The following ZNF786 variants were observed in gnomAD, a reference collection of about 807,000 sequenced individuals.
The protein encoded by ZNF786 is zinc finger protein 786.
A neutral mutation model predicts 63.1 loss-of-function variants in ZNF786; 56 were observed. The observed-to-expected ratio is 0.89, with a 90% CI of 0.72 to 1.11. The LOEUF is 1.11. Ranked by LOEUF, ZNF786 falls within the 50% of genes least tolerant of loss-of-function variation. The pLI is 0.00. For synonymous variants in ZNF786, 485 were observed against 406.9 expected (o/e 1.19, Z -2.31); for missense variants, 1,213 against 1,041.8 (o/e 1.16, Z -2.26).
chr7:149,072,173 T>C lies in ZNF786; in HGVS notation c.599A>G (p.Asn200Ser), dbSNP rs552244884. 1.2e-5 allele frequency: 20 copies of C among 1,613,316 alleles called. 1 individual carries two copies. The South Asian group carries it at 1.5e-4, about 12-fold the overall frequency. The change falls in exon 4 of 4, where the codon AAC becomes AGC. Residue 200 changes from asparagine (N) to serine (S), a missense_variant. Physicochemically the swap from Asn to Ser is conservative, Grantham distance 46. Coordinates refer to ENST00000491431, the MANE Select transcript of ZNF786 (RefSeq NM_152411.4). ...GCCTCTCTGGTGCATTACTAAATGG[T>C]TGTTCTCCCAACAGCTTTCCCCGCA... ...PVCGESCWEN[N>S]HLVMHQRGHS...
intron 2 of ZNF786, among the ~76,000 whole-genome samples, chr7:149,077,122 A>G (rs1414036622): frequency 6.6e-6 from 1 of 152,248 alleles, no homozygotes; most frequent in Non-Finnish European, 1.5e-5. Context: ...AAGTCTTGCT[A>G]TCTGATAAGA....
At chr7:149,072,973 C>A (rs1162297320) in intron 3 of ZNF786, among the ~76,000 whole-genome samples, 3 of 152,170 alleles carry the variant, frequency 2.0e-5, no homozygotes, top group African/African-American at 7.2e-5. Context: ...TTCTGATGTA[C>A]AGACACACCT....
Position 149,075,655 on chromosome 7 carries a change from G to GTTTTTTTT in ZNF786, c.146-1125_146-1118dup, listed in dbSNP as rs1165713050. ...ATCCTACTGTGCTGACACACTTCAG[G>GTTTTTTTT]TTTTTTTTTTTTTTTTTTTTTTTTT... On this transcript the variant is annotated intron_variant, in intron 2 of 3. Coordinates refer to ENST00000491431, the MANE Select transcript of ZNF786 (RefSeq NM_152411.4). 1.8e-3 allele frequency among the ~76,000 whole-genome samples: 125 copies of GTTTTTTTT among 69,464 alleles called. 26 individuals are homozygous for GTTTTTTTT. Among genetic ancestry groups the GTTTTTTTT allele is most frequent in the African/African-American group, 3.4e-3 (57 of 16,882 alleles). 45.6% of individuals were successfully genotyped at this position (69,464 alleles called of 152,430 possible). A position where few individuals can be genotyped will look rare whatever the true frequency, so the allele number is the denominator to read the frequency against.
In ZNF786 at chr7:149,074,554, A is replaced by T. The variant is rs1825508572; in HGVS notation, c.146-16T>A. 2.5e-6 allele frequency: 4 copies of T among 1,608,454 alleles called. No homozygotes were observed. The East Asian group carries it at 8.9e-5, about 36-fold the overall frequency. On this transcript the variant is annotated splice_polypyrimidine_tract_variant and intron_variant, in intron 2 of 3. Coordinates refer to ENST00000491431, the MANE Select transcript of ZNF786 (RefSeq NM_152411.4). ...AGTCCATCATCTGCACAGAGAAGTC[A>T]GACAGGGTAGTTTGGCTTCCTGAAT...
chr7:149,077,919 AT>A (rs1239500428), intron 2 of ZNF786, among the ~76,000 whole-genome samples: 4 of 151,196 alleles, frequency 2.6e-5, no homozygotes, highest in African/African-American at 9.7e-5. Context: ...TTGGAGTGCA[AT>A]GGCGTGATCT....
chr7:149,088,921 T>G (rs1170574076), intron 1 of ZNF786, among the ~76,000 whole-genome samples: 1 of 151,948 alleles, frequency 6.6e-6, no homozygotes. Context: ...CTTGTATTCT[T>G]CCCTCAACAT....
At chr7:149,080,229 A>G (rs1825627274) in intron 2 of ZNF786, among the ~76,000 whole-genome samples, 1 of 152,044 alleles carries the variant, frequency 6.6e-6, no homozygotes, top group South Asian at 2.1e-4. Flanking sequence ...CCACTGTAAA[A>G]GCTGTGAGGT....
chr7:149,072,520 T>C, intron 3 of ZNF786, 47 bp from the exon 4 acceptor site: 2 of 1,490,090 alleles, frequency 1.3e-6, no homozygotes, highest in Admixed American at 2.3e-5. Flanking sequence ...TCTGCAGCAC[T>C]ACTAGCGATT....
chr7:149,090,668 C>T lies in ZNF786; in HGVS notation c.-28G>A, dbSNP rs1200965015. 2.5e-6 allele frequency: 4 copies of T among 1,578,410 alleles called. No individual in the cohort carries two copies. Among genetic ancestry groups the T allele is most frequent in the Non-Finnish European group, 3.4e-6 (4 of 1,161,016 alleles). ...TCCCCGCGGTCCCGCCCGGCCCTGG[C>T]AAACCCGACCGTCTCCGGCGGCTCC... On this transcript the variant is annotated 5_prime_UTR_variant, in exon 1 of 4. Coordinates refer to ENST00000491431, the MANE Select transcript of ZNF786 (RefSeq NM_152411.4).
rs749344132 is a variant in ZNF786, at chr7:149,070,391, C to A, written c.*32G>T. 6.2e-7 allele frequency: 1 copy of A among 1,600,436 alleles called. No individual in the cohort carries two copies. The highest frequency in any genetic ancestry group is 1.3e-5 in the African/African-American group (1 of 74,700). Reference sequence around the variant, plus strand: ...CTGTGGATTCCTGGGCAATACCAATCCTGCTCAACGCTTTGGATGTCCCAC... The same window carrying A: ...CTGTGGATTCCTGGGCAATACCAATACTGCTCAACGCTTTGGATGTCCCAC... On this transcript the variant is annotated 3_prime_UTR_variant, in exon 4 of 4. Transcript: ENST00000491431.
chr7:149,071,821 C>G lies in ZNF786; in HGVS notation c.951G>C (p.Gln317His), dbSNP rs971271702. The change falls in exon 4 of 4, where the codon CAG (glutamine) becomes CAC (histidine). Residue 317 changes from glutamine to histidine, a missense_variant. Gln to His is a conservative substitution (Grantham distance 24). Coordinates refer to ENST00000491431, the MANE Select transcript of ZNF786 (RefSeq NM_152411.4). Reference protein sequence around the residue: ...PVDSTQARRCQHSREGPASWR... With the variant: ...PVDSTQARRCHHSREGPASWR... ...AAGAGGCCGGCCCCTCCCGGCTGTG[C>G]TGGCACCGGCGAGCCTGCGTGCTGT... 6.3e-7 allele frequency: 1 copy of G among 1,589,506 alleles called. No homozygotes were observed. Among genetic ancestry groups the G allele is most frequent in the Non-Finnish European group, 8.5e-7 (1 of 1,172,920 alleles).
At chr7:149,073,618 ACTGT>A (rs2129514265) in intron 3 of ZNF786, among the ~76,000 whole-genome samples, 1 of 150,730 alleles carries the variant, frequency 6.6e-6, no homozygotes, top group South Asian at 2.1e-4. Flanking sequence ...TACTATATAA[ACTGT>A]CTCTCAATAT....
Position 149,071,224 on chromosome 7 carries a change from TCTGCCACACTCG to T in ZNF786, c.1536_1547del (p.Ser512_Gly515del). ...GGAGCTTGCACTGGTGGGTGAAGCC[TCTGCCACACTCG>T]CTACAGGAGAACGGCCTCTCCCCAC... On this transcript the variant is annotated inframe_deletion, in exon 4 of 4. Coordinates refer to ENST00000491431, the MANE Select transcript of ZNF786 (RefSeq NM_152411.4). The T allele has an allele frequency of 2.5e-6, 4 of 1,610,142 alleles. No homozygotes were observed. The highest frequency in any genetic ancestry group is 2.5e-6 in the Non-Finnish European group (3 of 1,177,758).
At position 149,074,368 on chromosome 7, in the gene ZNF786, T is replaced by A. The variant is rs1215339460; in HGVS notation, c.298+18A>T. 6.2e-7 allele frequency: 1 copy of A among 1,612,450 alleles called. No individual in the cohort carries two copies. The highest frequency in any genetic ancestry group is 8.5e-7 in the Non-Finnish European group (1 of 1,179,122). On this transcript the variant is annotated intron_variant, in intron 3 of 3. Coordinates refer to ENST00000491431, the MANE Select transcript of ZNF786 (RefSeq NM_152411.4). Reference sequence around the variant, plus strand: ...ACATGATGTCTCAAGGTCGGGGCCCTGATTTCTTAATACTCACCCCAAAAC... The same window carrying A: ...ACATGATGTCTCAAGGTCGGGGCCCAGATTTCTTAATACTCACCCCAAAAC...
At chr7:149,084,294 AG>A (rs1196739056) in intron 1 of ZNF786, among the ~76,000 whole-genome samples, 1 of 149,662 alleles carries the variant, frequency 6.7e-6, no homozygotes, top group African/African-American at 2.5e-5. Flanking sequence ...CCCAGGAGGC[AG>A]AGGTTCCAGT....
Position 149,080,732 on chromosome 7 carries a change from A to G in ZNF786, c.19-15T>C, listed in dbSNP as rs748069997. On this transcript the variant is annotated splice_polypyrimidine_tract_variant and intron_variant, in intron 1 of 3. Transcript: ENST00000491431. ...GTCAGAGGTAGCTGAAATTGTAGAC[A>G]TAAGACATATGCATTCATGGTTGCT... 1.2e-5 allele frequency: 19 copies of G among 1,593,294 alleles called. No homozygotes were observed. The highest frequency in any genetic ancestry group is 1.1e-4 in the African/African-American group (8 of 73,996).
intron 1 of ZNF786, among the ~76,000 whole-genome samples, chr7:149,090,349 C>A (rs1378573733): frequency 6.6e-6 from 1 of 152,246 alleles, no homozygotes; most frequent in Non-Finnish European, 1.5e-5. Flanking sequence ...CCCGTCCGCC[C>A]GGCATCCTCG....
chr7:149,077,024 T>C (rs900657335), intron 2 of ZNF786, among the ~76,000 whole-genome samples: 1 of 152,296 alleles, frequency 6.6e-6, no homozygotes, highest in Non-Finnish European at 1.5e-5. Flanking sequence ...TGATTGACAA[T>C]AGAGTAGGAA....
rs142434108 is a variant in ZNF786, at chr7:149,075,534, C to T, written c.146-996G>A. ...TGCTGCGATTACAGGCATGAGCCAC[C>T]GCACCTGGCCAGTGGTTTAACTTAT... On this transcript the variant is annotated intron_variant, in intron 2 of 3. Coordinates refer to ENST00000491431, the MANE Select transcript of ZNF786 (RefSeq NM_152411.4). 5.4e-3 allele frequency among the ~76,000 whole-genome samples: 816 copies of T among 152,090 alleles called. 4 individuals carry two copies. The highest frequency in any genetic ancestry group is 9.4e-3 in the Non-Finnish European group (636 of 68,008).
Sources: allele counts gnomAD v4.1 joint callset (sites outside exome capture counted in the v4.1 genomes callset), GRCh38; gene constraint gnomAD v4.1.1; transcripts MANE v1.5; gene names NCBI Gene and HGNC (gene_info 2026-07-23, HGNC 2026-07-21).